The following EEF1AKMT4 variants were observed in gnomAD, a reference collection of about 807,000 sequenced individuals.
The protein encoded by EEF1AKMT4 is EEF1A lysine methyltransferase 4, also known as eukaryotic translation elongation factor 1 alpha lysine specific methyltransferase 4.
EEF1AKMT4 carries 17 observed loss-of-function variants against 23.0 expected under a neutral mutation model. That is an observed-to-expected ratio of 0.74 (90% CI 0.51 to 1.11). The LOEUF (loss-of-function observed/expected upper bound fraction) is 1.11, where lower values mean the gene tolerates loss of function less well. EEF1AKMT4 is among the 50% of genes least tolerant of loss of function. The probability of loss-of-function intolerance (pLI) is 0.00; values close to 1 mark genes in which losing one functional copy is unlikely to be tolerated. For synonymous variants in EEF1AKMT4, 140 were observed against 141.4 expected, an observed-to-expected ratio of 0.99 and a Z score of 0.07; for missense variants, 318 against 333.4, an observed-to-expected ratio of 0.95 and a Z score of 0.36.
chr3:184,255,189 G>T (rs1278544408), intron 1 of EEF1AKMT4, among the ~76,000 whole-genome samples: 2 of 152,178 alleles, frequency 1.3e-5, no homozygotes. Context: ...GGGTAATGAA[G>T]GGATTGTGGG....
intron 1 of EEF1AKMT4, among the ~76,000 whole-genome samples, chr3:184,255,902 C>T (rs1719776565): frequency 6.6e-6 from 1 of 152,224 alleles, no homozygotes; most frequent in Non-Finnish European, 1.5e-5. Context: ...TGTCTGATGA[C>T]ACATTTGTTC....
chr3:184,250,886 T>A (rs1351697952), intron 1 of EEF1AKMT4, among the ~76,000 whole-genome samples: 1 of 144,980 alleles, frequency 6.9e-6, no homozygotes, highest in East Asian at 2.1e-4. Context: ...GAGTTCGAGA[T>A]CAGCCTGACC....
intron 2 of EEF1AKMT4, 112 bp downstream of exon 2, chr3:184,257,868 G>C (rs1719884266): frequency 5.8e-6 from 8 of 1,372,524 alleles, no homozygotes; most frequent in South Asian, 4.2e-5. Context: ...GCAAGTAGTG[G>C]GTCGCCCTCA....
intron 1 of EEF1AKMT4, among the ~76,000 whole-genome samples, chr3:184,254,585 C>G (rs180724761): frequency 1.4e-5 from 2 of 148,140 alleles, no homozygotes; most frequent in East Asian, 3.9e-4. Context: ...TGGTGGCGGG[C>G]GCCTGTAGTC....
chr3:184,258,074 T>C (rs1337985300), intron 2 of EEF1AKMT4, among the ~76,000 whole-genome samples: 1 of 152,138 alleles, frequency 6.6e-6, no homozygotes, highest in African/African-American at 2.4e-5. Flanking sequence ...CTATACCTGA[T>C]ATCACTCCTA....
At position 184,258,385 on chromosome 3, in the gene EEF1AKMT4, G is replaced by T. The variant is rs774380694; in HGVS notation, c.578G>T (p.Trp193Leu). The change falls in exon 3 of 3, where the codon TGG (tryptophan) becomes TTG (leucine). Residue 193 changes from tryptophan to leucine, a missense_variant. Transcript: ENST00000324557. ...TRHYAQAYYG[W>L]SLRHATYGSG... ...CACTATGCCCAAGCCTATTATGGCTGGTCCCTGAGGCATGCTACCTATGGC... is the reference window on the plus strand; with the variant it reads ...CACTATGCCCAAGCCTATTATGGCTTGTCCCTGAGGCATGCTACCTATGGC... The T allele has an allele frequency of 3.5e-5, 57 of 1,613,764 alleles. No individual in the cohort carries two copies. The highest frequency in any genetic ancestry group is 4.2e-5 in the Non-Finnish European group (49 of 1,179,892).
intron 1 of EEF1AKMT4, among the ~76,000 whole-genome samples, chr3:184,251,019 A>G (rs905227037): frequency 6.9e-6 from 1 of 145,298 alleles, no homozygotes; most frequent in African/African-American, 2.5e-5. Flanking sequence ...AGGGAGGCGG[A>G]GGTTGTGGTG....
At chr3:184,250,107 C>A (rs1248689000) in intron 1 of EEF1AKMT4, among the ~76,000 whole-genome samples, 2 of 152,160 alleles carry the variant, frequency 1.3e-5, no homozygotes, top group Non-Finnish European at 2.9e-5. Flanking sequence ...AAAGACAGTC[C>A]CTCAGAGTTT....
rs1440487445 is a variant in EEF1AKMT4, at chr3:184,249,771, G to A, written c.77G>A (p.Trp26Ter). ...RNCGYREVEY[W>*]DQRYQGAADS... is the part of the protein sequence containing the mutation. ...TGCGGGTACCGCGAAGTCGAGTACT[G>A]GGATCAGCGCTACCAAGGCGCAGCC... Residue 26 changes from tryptophan (W) to a stop codon, truncating the protein, a stop_gained, in exon 1 of 3, where the codon TGG becomes TAG. Transcript: ENST00000324557. LOFTEE classifies it high-confidence loss of function. 1 of 1,613,148 alleles carries A rather than the reference G, an allele frequency of 6.2e-7. No homozygotes were observed. The highest frequency in any genetic ancestry group is 1.3e-5 in the African/African-American group (1 of 74,948).
rs946446921 is a variant in EEF1AKMT4, at chr3:184,258,716, G to A, written c.*141G>A. The A allele has an allele frequency of 1.3e-5, 19 of 1,414,430 alleles. No homozygotes were observed. The Admixed American group carries it at 1.5e-4, about 11-fold the overall frequency. 87.6% of individuals were successfully genotyped at this position (1,414,430 alleles called of 1,614,324 possible). On this transcript the variant is annotated 3_prime_UTR_variant, in exon 3 of 3. Transcript: ENST00000324557. The stretch of plus-strand genomic sequence containing the variant: ...CATGCCTAAGATAGAGGGTGGGAGC[G>A]AACCCACATGAACCAATACAGCCCA...
At chr3:184,256,279 A>AAAAAAAAAAAAG (rs1334063030) in intron 1 of EEF1AKMT4, among the ~76,000 whole-genome samples, 80 of 150,330 alleles carry the variant, frequency 5.3e-4, no homozygotes, top group African/African-American at 1.8e-3. Context: ...TCTCAAAAAA[A>AAAAAAAAAAAAG]AAAAAAAAAA....
chr3:184,257,754 G>A lies in EEF1AKMT4; in HGVS notation c.478G>A (p.Glu160Lys). 1 of 1,608,012 alleles carries A rather than the reference G, an allele frequency of 6.2e-7. No homozygotes were observed. The highest frequency in any genetic ancestry group is 8.5e-7 in the Non-Finnish European group (1 of 1,175,886). ...GVHTVDQVLS[E>K]VSRVLVPGGR... ...CCACACTGTGGACCAGGTGTTGAGT[G>A]AGGTGAGGGAGCAACAAGAGAGGAA... is the stretch of plus-strand genomic sequence containing the variant. The change falls in exon 2 of 3, where the codon GAG becomes AAG. Residue 160 changes from glutamate (E) to lysine (K), a missense_variant and splice_region_variant. By Grantham distance (56) the Glu-to-Lys change is moderately conservative. Transcript: ENST00000324557.
At chr3:184,250,007 G>C (rs1000807655) in intron 1 of EEF1AKMT4, 117 bp downstream of exon 1, 1 of 1,162,242 alleles carries the variant, frequency 8.6e-7, no homozygotes, top group South Asian at 1.5e-5. Flanking sequence ...GCCTGCGTTG[G>C]GACGCGAGAT....
chr3:184,254,481 G>A (rs2636558), intron 1 of EEF1AKMT4, among the ~76,000 whole-genome samples: 1 of 149,760 alleles, frequency 6.7e-6, no homozygotes. Context: ...GAGGCGGGCA[G>A]ATCACAAGGT....
intron 1 of EEF1AKMT4, 135 bp downstream of exon 1, chr3:184,250,025 C>G (rs1719454796): frequency 2.1e-6 from 2 of 951,328 alleles, no homozygotes; most frequent in East Asian, 5.2e-5. Flanking sequence ...GATCCAGCTC[C>G]TTCAGAGTCC....
At position 184,257,671 on chromosome 3, in the gene EEF1AKMT4, C is replaced by A; in HGVS notation, c.395C>A (p.Thr132Lys). The A allele has an allele frequency of 3.1e-6, 5 of 1,614,150 alleles. No homozygotes were observed. The highest frequency in any genetic ancestry group is 1.1e-5 in the South Asian group (1 of 91,084). ...TTTGATGTGGTGCTCGAGAAGGGCA[C>A]GCTGGATGCCCTGCTGGCTGGGGAA... ...ASFDVVLEKG[T>K]LDALLAGERD... The change falls in exon 2 of 3, where the codon ACG becomes AAG. Residue 132 changes from threonine (T) to lysine (K), a missense_variant. Transcript: ENST00000324557.
At chr3:184,251,195 A>G (rs1365244704) in intron 1 of EEF1AKMT4, among the ~76,000 whole-genome samples, 1 of 152,098 alleles carries the variant, frequency 6.6e-6, no homozygotes, top group Non-Finnish European at 1.5e-5. Flanking sequence ...ACTTGATCGC[A>G]GGAGCTCAAG....
chr3:184,255,438 C>G (rs73185790), intron 1 of EEF1AKMT4, among the ~76,000 whole-genome samples: 16,218 of 152,222 alleles, frequency 0.11, 1,098 homozygotes, highest in Middle Eastern at 0.17. Flanking sequence ...GTGCCAAACC[C>G]TGATAGATTA....
chr3:184,257,879 G>T (rs1719885023), intron 2 of EEF1AKMT4, 123 bp downstream of exon 2: 2 of 1,241,942 alleles, frequency 1.6e-6, no homozygotes, highest in Admixed American at 5.2e-5. Context: ...GTCGCCCTCA[G>T]GAGTGTGGCT....
Sources: allele counts gnomAD v4.1 joint callset (sites outside exome capture counted in the v4.1 genomes callset), GRCh38; gene constraint gnomAD v4.1.1; transcripts MANE v1.5; gene names NCBI Gene and HGNC (gene_info 2026-07-23, HGNC 2026-07-21).